Variants in CDIN1 observed in about 807,000 individuals in gnomAD.
CDIN1 encodes CDAN1 interacting nuclease 1, also known as CDAN1-interacting nuclease 1.
Under a neutral mutation model 45.3 loss-of-function variants are expected in CDIN1, and 33 were observed. The observed-to-expected ratio is 0.73, with a 90% CI of 0.55 to 0.97. The LOEUF is 0.97. Ranked by LOEUF, CDIN1 falls within the 50% of genes least tolerant of loss-of-function variation. The pLI is 0.00. For synonymous variants in CDIN1, 118 were observed against 124.4 expected (o/e 0.95, Z 0.34); for missense variants, 303 against 339.4 (o/e 0.89, Z 0.84).
Position 36,671,704 on chromosome 15 carries a change from T to G in CDIN1, c.346+13799T>G, listed in dbSNP as rs1294557349. ...ATATGATCATGTGATCAGCTAGGAT[T>G]TAGTTCATTCGTCAGGCACCGATTT... On this transcript the variant is annotated intron_variant, in intron 5 of 10. Transcript: ENST00000566621. 2.6e-5 allele frequency among the ~76,000 whole-genome samples: 4 copies of G among 152,124 alleles called. 1 individual carries two copies. The highest frequency in any genetic ancestry group is 2.6e-4 in the Admixed American group (4 of 15,260).
At chr15:36,677,288 C>T (rs1298717978) in intron 5 of CDIN1, among the ~76,000 whole-genome samples, 1 of 151,920 alleles carries the variant, frequency 6.6e-6, no homozygotes, top group South Asian at 2.1e-4. Context: ...ATATCTGTGG[C>T]ATTAAAATTT....
intron 3 of CDIN1, chr15:36,647,725 T>G (rs1359171982): frequency 6.6e-6 from 1 of 152,146 alleles, no homozygotes; most frequent in Non-Finnish European, 1.5e-5. Context: ...ATTGTATTTG[T>G]TATATCAAAA....
At chr15:36,803,536 C>T (rs2055119571) in intron 10 of CDIN1, among the ~76,000 whole-genome samples, 1 of 152,086 alleles carries the variant, frequency 6.6e-6, no homozygotes, top group South Asian at 2.1e-4. Flanking sequence ...GAAAGCCCAG[C>T]CTTGATTTAA....
intron 1 of CDIN1, chr15:36,614,320 C>T (rs2038785186): frequency 1.1e-5 from 6 of 562,316 alleles, no homozygotes; most frequent in Admixed American, 9.6e-5. Context: ...CTGCTTTCTC[C>T]TTTCGCCACC....
At chr15:36,586,872 T>C (rs1190164325) in intron 1 of CDIN1, among the ~76,000 whole-genome samples, 1 of 152,244 alleles carries the variant, frequency 6.6e-6, no homozygotes, top group Non-Finnish European at 1.5e-5. Flanking sequence ...AGCTATGAAG[T>C]ATTAGAATCA....
intron 1 of CDIN1, among the ~76,000 whole-genome samples, chr15:36,614,929 A>G (rs2038818947): frequency 6.6e-6 from 1 of 152,166 alleles, no homozygotes; most frequent in South Asian, 2.1e-4. Context: ...TGCTTACAGA[A>G]TGGATCATGT....
chr15:36,727,164 A>G (rs909359784), intron 10 of CDIN1, among the ~76,000 whole-genome samples: 5 of 152,092 alleles, frequency 3.3e-5, no homozygotes, highest in Admixed American at 2.0e-4. Context: ...CATTTTTGTC[A>G]CTAATCATGC....
At chr15:36,649,661 C>T (rs1206309413) in intron 3 of CDIN1, among the ~76,000 whole-genome samples, 1 of 152,200 alleles carries the variant, frequency 6.6e-6, no homozygotes, top group Non-Finnish European at 1.5e-5. Flanking sequence ...TGAGTGTCTT[C>T]TCTCAGCTTG....
intron 10 of CDIN1, among the ~76,000 whole-genome samples, chr15:36,735,769 ATTGTG>A (rs2043996283): frequency 6.6e-6 from 1 of 152,132 alleles, no homozygotes; most frequent in African/African-American, 2.4e-5. Flanking sequence ...CACTTTAATA[ATTGTG>A]TTGTTTAATA....
At chr15:36,727,795 T>C (rs948628477) in intron 10 of CDIN1, among the ~76,000 whole-genome samples, 16 of 152,152 alleles carry the variant, frequency 1.1e-4, no homozygotes, top group African/African-American at 3.9e-4. Flanking sequence ...CTCTTAACTC[T>C]CTCTGTGAGA....
intron 5 of CDIN1, among the ~76,000 whole-genome samples, chr15:36,689,562 T>G (rs1485974544): frequency 2.0e-5 from 3 of 152,178 alleles, no homozygotes; most frequent in Admixed American, 6.5e-5. Context: ...GTGACTCGAG[T>G]GGCAGGCCAG....
intron 10 of CDIN1, among the ~76,000 whole-genome samples, chr15:36,722,044 A>T (rs928398802): frequency 2.0e-5 from 3 of 151,858 alleles, no homozygotes; most frequent in Non-Finnish European, 4.4e-5. Flanking sequence ...GTGTTTAAAA[A>T]CTGTTATGTC....
intron 1 of CDIN1, among the ~76,000 whole-genome samples, chr15:36,623,154 G>A (rs1363079236): frequency 6.6e-6 from 1 of 152,048 alleles, no homozygotes; most frequent in African/African-American, 2.4e-5. Context: ...GGAACATAGT[G>A]AAACTCAGTC....
chr15:36,774,161 T>TGCAC (rs756189878), intron 10 of CDIN1, among the ~76,000 whole-genome samples: 2 of 50,622 alleles, frequency 4.0e-5, no homozygotes, highest in African/African-American at 8.3e-5. Flanking sequence ...TGTGTGTGTG[T>TGCAC]GTGCGCGCGC....
In CDIN1 at chr15:36,805,571, C is replaced by A. The variant is rs188405201; in HGVS notation, c.717-2753C>A. Among the ~76,000 whole-genome samples, 3 of 152,242 alleles carry A rather than the reference C, an allele frequency of 2.0e-5. No individual in the cohort carries two copies. In the East Asian group the frequency reaches 5.8e-4, roughly 29 times the overall value. Reference sequence around the variant, plus strand: ...TGCATTTGACCTAAATAAAAATTTTCTAGGGTCCTATTTTACACCTCTTCT... The same window carrying A: ...TGCATTTGACCTAAATAAAAATTTTATAGGGTCCTATTTTACACCTCTTCT... On this transcript the variant is annotated intron_variant, in intron 10 of 10. Transcript: ENST00000566621.
At chr15:36,746,565 T>G (rs1281234887) in intron 10 of CDIN1, among the ~76,000 whole-genome samples, 6 of 152,018 alleles carry the variant, frequency 3.9e-5, no homozygotes, top group Non-Finnish European at 7.4e-5. Context: ...TGGTGTGCTA[T>G]GTTCTCTGTT....
intron 10 of CDIN1, among the ~76,000 whole-genome samples, chr15:36,774,677 C>G (rs1443184260): frequency 2.0e-5 from 3 of 152,176 alleles, no homozygotes; most frequent in African/African-American, 7.2e-5. Flanking sequence ...TTGACTCTTA[C>G]AAGTCAAACA....
chr15:36,581,615 C>T (rs1203005294), intron 1 of CDIN1, among the ~76,000 whole-genome samples: 8 of 151,998 alleles, frequency 5.3e-5, no homozygotes, highest in Non-Finnish European at 1.0e-4. Context: ...TGGTGGCTCA[C>T]GCCTGTAATC....
chr15:36,800,923 A>ATATATATC (rs1392774063), intron 10 of CDIN1, among the ~76,000 whole-genome samples: 29 of 100,290 alleles, frequency 2.9e-4, no homozygotes, highest in Admixed American at 5.8e-4. Context: ...ATATATATAT[A>ATATATATC]TATATATATA....
Sources: allele counts gnomAD v4.1 joint callset (sites outside exome capture counted in the v4.1 genomes callset), GRCh38; gene constraint gnomAD v4.1.1; transcripts MANE v1.5; gene names NCBI Gene and HGNC (gene_info 2026-07-23, HGNC 2026-07-21).